The following PLCB1 variants were observed in gnomAD, a reference collection of about 807,000 sequenced individuals.
PLCB1 encodes 1-phosphatidylinositol 4,5-bisphosphate phosphodiesterase beta-1.
A neutral mutation model predicts 161.8 loss-of-function variants in PLCB1; 46 were observed. The observed-to-expected ratio is 0.28, with a 90% confidence interval of 0.22 to 0.36. PLCB1 has a LOEUF of 0.36. Among genes scored for constraint, PLCB1 ranks in the 10% least tolerant of loss-of-function variants. PLCB1 has a pLI of 1.00. For missense variants in PLCB1, 1,016 were observed against 1,472.5 expected (o/e 0.69, Z 5.07); for synonymous variants, 517 against 503.7 (o/e 1.03, Z -0.35).
rs577017774 is a variant in PLCB1, at chr20:8,770,551, G to A, written c.2931-3988G>A. On this transcript the variant is annotated intron_variant, in intron 26 of 31. Transcript: ENST00000338037. ...GGTCCAGATGACATGTGCCCAAGGT[G>A]TTCAGAGCAGTTTGTTTTTATACAT... is the stretch of plus-strand genomic sequence containing the variant. Among the ~76,000 whole-genome samples the A allele has an allele frequency of 7.2e-5, 11 of 152,286 alleles. No individual in the cohort carries two copies. The South Asian group carries it at 2.1e-3, about 29-fold the overall frequency.
At chr20:8,649,204 T>C (rs1989246188) in intron 6 of PLCB1, among the ~76,000 whole-genome samples, 170 bp from the exon 7 acceptor site, 1 of 152,210 alleles carries the variant, frequency 6.6e-6, no homozygotes, top group African/African-American at 2.4e-5. Context: ...ACGCAGTTGA[T>C]CTTTCAGAAG....
At chr20:8,703,446 A>G (rs1428401885) in intron 11 of PLCB1, among the ~76,000 whole-genome samples, 1 of 152,174 alleles carries the variant, frequency 6.6e-6, no homozygotes, top group Non-Finnish European at 1.5e-5. Context: ...TAAGGCTAAC[A>G]TGGTAGAAGG....
At chr20:8,628,515 T>G in intron 4 of PLCB1, 84 bp downstream of exon 4, 1 of 1,410,390 alleles carries the variant, frequency 7.1e-7, no homozygotes, top group Admixed American at 1.9e-5. Flanking sequence ...AAGACTGAAT[T>G]TTTGTCATAT....
intron 23 of PLCB1, among the ~76,000 whole-genome samples, chr20:8,754,812 A>G (rs1981659448): frequency 6.6e-6 from 1 of 152,216 alleles, no homozygotes; most frequent in Admixed American, 6.5e-5. Flanking sequence ...CCTTAATTAA[A>G]AGATTTGACA....
At chr20:8,507,407 C>T (rs1340142411) in intron 3 of PLCB1, among the ~76,000 whole-genome samples, 1 of 152,154 alleles carries the variant, frequency 6.6e-6, no homozygotes, top group Non-Finnish European at 1.5e-5. Flanking sequence ...TCACGTTGGT[C>T]ACCCTAGGTA....
At chr20:8,523,492 C>CCATATATATATATATATATA (rs1555766816) in intron 3 of PLCB1, among the ~76,000 whole-genome samples, 1 of 61,842 alleles carries the variant, frequency 1.6e-5, no homozygotes, top group Non-Finnish European at 3.3e-5. Flanking sequence ...CTCTCTCTCT[C>CCATATATATATATATATATA]TCTCTATATA....
chr20:8,649,397 A>G lies in PLCB1; in HGVS notation c.542A>G (p.Asp181Gly). Reference protein sequence around the residue: ...LKNIYRLFSADRKRVETALEA... With the variant: ...LKNIYRLFSAGRKRVETALEA... ...AGCATATATCGCTTGTTTTCAGCAG[A>G]TCGGAAGCGAGTTGAAACTGCTTTA... Residue 181 changes from aspartate (D) to glycine (G), a missense_variant, in exon 7 of 32, where the codon GAT becomes GGT. Coordinates refer to ENST00000338037, the MANE Select transcript of PLCB1 (RefSeq NM_015192.4). 1 of 1,613,710 alleles carries G rather than the reference A, an allele frequency of 6.2e-7. No individual in the cohort carries two copies. The highest frequency in any genetic ancestry group is 8.5e-7 in the Non-Finnish European group (1 of 1,179,642).
chr20:8,697,543 T>A, intron 10 of PLCB1, 83 bp from the exon 11 acceptor site: 1 of 1,383,450 alleles, frequency 7.2e-7, no homozygotes, highest in East Asian at 2.3e-5. Flanking sequence ...TGTTTTCCTG[T>A]TATTGAGGAG....
intron 9 of PLCB1, among the ~76,000 whole-genome samples, chr20:8,676,835 A>G (rs1186992981): frequency 6.6e-6 from 1 of 152,244 alleles, no homozygotes; most frequent in African/African-American, 2.4e-5. Flanking sequence ...CAGGGAAAAA[A>G]GTAACTTTGT....
intron 31 of PLCB1, among the ~76,000 whole-genome samples, chr20:8,835,578 G>A (rs1169464931): frequency 6.6e-6 from 1 of 152,038 alleles, no homozygotes; most frequent in Non-Finnish European, 1.5e-5. Context: ...TGTTTTACTA[G>A]CCTGTCCTGA....
intron 11 of PLCB1, among the ~76,000 whole-genome samples, chr20:8,704,821 G>T (rs1002290571): frequency 1.3e-5 from 2 of 152,074 alleles, no homozygotes; most frequent in African/African-American, 4.8e-5. Flanking sequence ...GCAAGCTGGA[G>T]ACCCAGCTGA....
At chr20:8,168,017 C>G (rs1362663148) in intron 2 of PLCB1, among the ~76,000 whole-genome samples, 2 of 152,110 alleles carry the variant, frequency 1.3e-5, no homozygotes, top group East Asian at 3.9e-4. Context: ...TTGTATCTGT[C>G]CCATGTGGTC....
At chr20:8,435,146 G>T (rs144649890) in intron 3 of PLCB1, among the ~76,000 whole-genome samples, 1 of 152,330 alleles carries the variant, frequency 6.6e-6, no homozygotes, top group Non-Finnish European at 1.5e-5. Flanking sequence ...TGGCATGAAT[G>T]TGTCACTCTT....
At chr20:8,540,892 T>C (rs1985287053) in intron 3 of PLCB1, among the ~76,000 whole-genome samples, 1 of 152,174 alleles carries the variant, frequency 6.6e-6, no homozygotes, top group South Asian at 2.1e-4. Flanking sequence ...TTTAGAGCCC[T>C]GATGCCCTGT....
chr20:8,724,851 A>ACCC, intron 16 of PLCB1, 99 bp downstream of exon 16: 1 of 657,806 alleles, frequency 1.5e-6, no homozygotes, highest in Non-Finnish European at 2.7e-6. Context: ...TAATAGAGAG[A>ACCC]TTTATGCTTT....
chr20:8,375,966 G>T (rs1987064025), intron 3 of PLCB1, among the ~76,000 whole-genome samples: 1 of 139,482 alleles, frequency 7.2e-6, no homozygotes, highest in Admixed American at 7.1e-5. Context: ...AAAAAAAAAG[G>T]TCACACTCTA....
chr20:8,548,248 C>G (rs6086498), intron 3 of PLCB1, among the ~76,000 whole-genome samples: 42,939 of 116,656 alleles, frequency 0.37, 7,408 homozygotes, highest in Middle Eastern at 0.45. Context: ...CCCTCTTCCT[C>G]TTTTTCACCC....
At chr20:8,541,203 G>T (rs1985300707) in intron 3 of PLCB1, among the ~76,000 whole-genome samples, 2 of 152,158 alleles carry the variant, frequency 1.3e-5, no homozygotes, top group Non-Finnish European at 2.9e-5. Flanking sequence ...ACCTGGGTTG[G>T]TATTTGGGTT....
chr20:8,183,152 A>G (rs2051864969), intron 2 of PLCB1, among the ~76,000 whole-genome samples: 1 of 152,172 alleles, frequency 6.6e-6, no homozygotes, highest in African/African-American at 2.4e-5. Context: ...GCGGTAATAG[A>G]TACATGATCC....
Sources: gnomAD v4.1 joint callset for allele counts (sites outside exome capture counted in the v4.1 genomes callset) on GRCh38, gnomAD v4.1.1 for gene constraint, MANE v1.5 for transcripts, NCBI Gene and HGNC (gene_info 2026-07-23, HGNC 2026-07-21) for gene names.